THSD7A: variants seen among roughly 807,000 people sequenced by gnomAD.
THSD7A encodes the protein thrombospondin type-1 domain-containing protein 7A.
THSD7A carries 96 observed loss-of-function variants against 231.3 expected under a neutral mutation model. The observed-to-expected ratio is 0.41, with a 90% CI of 0.35 to 0.49. The LOEUF (loss-of-function observed/expected upper bound fraction) is 0.49. Ranked by LOEUF, THSD7A falls within the 20% of genes least tolerant of loss-of-function variation. The probability of loss-of-function intolerance (pLI) is 0.05; values close to 1 mark genes in which losing one functional copy is unlikely to be tolerated. For missense variants in THSD7A, 2,290 were observed against 2,070.2 expected (o/e 1.11, Z -2.06); for synonymous variants, 940 against 743.3 (o/e 1.26, Z -4.30).
At chr7:11,652,438 A>G (rs1782539864) in intron 1 of THSD7A, among the ~76,000 whole-genome samples, 1 of 152,064 alleles carries the variant, frequency 6.6e-6, no homozygotes, top group Non-Finnish European at 1.5e-5. Context: ...ATGCAATGGC[A>G]TTAATTATGC....
intron 8 of THSD7A, among the ~76,000 whole-genome samples, chr7:11,473,257 C>A (rs1786009184): frequency 6.6e-6 from 1 of 151,950 alleles, no homozygotes; most frequent in African/African-American, 2.4e-5. Flanking sequence ...GCATCAGAGA[C>A]ATTATTTTCA....
intron 19 of THSD7A, among the ~76,000 whole-genome samples, chr7:11,408,884 C>G (rs1256580559): frequency 1.3e-5 from 2 of 152,106 alleles, no homozygotes; most frequent in African/African-American, 2.4e-5. Flanking sequence ...ACTTAAAAGT[C>G]ATGGGAGGTT....
chr7:11,603,460 G>A (rs1169710954), intron 2 of THSD7A, among the ~76,000 whole-genome samples: 2 of 152,100 alleles, frequency 1.3e-5, no homozygotes, highest in Non-Finnish European at 2.9e-5. Context: ...CATTGTGGAA[G>A]TCAGTGTGGC....
chr7:11,691,609 A>T (rs1459586337), intron 1 of THSD7A, among the ~76,000 whole-genome samples: 1 of 151,418 alleles, frequency 6.6e-6, no homozygotes, highest in Non-Finnish European at 1.5e-5. Flanking sequence ...AATCCATAAC[A>T]TCTATATCTA....
intron 1 of THSD7A, among the ~76,000 whole-genome samples, chr7:11,805,138 T>C (rs1035284622): frequency 6.6e-6 from 1 of 152,108 alleles, no homozygotes; most frequent in Non-Finnish European, 1.5e-5. Context: ...CAGCTTTTGG[T>C]CCATACATCC....
chr7:11,630,534 T>G (rs770767521), intron 2 of THSD7A, among the ~76,000 whole-genome samples: 1 of 152,206 alleles, frequency 6.6e-6, no homozygotes, highest in Non-Finnish European at 1.5e-5. Flanking sequence ...GCCTGAAGTA[T>G]CTGCTTTATG....
chr7:11,469,805 T>C, intron 9 of THSD7A, 74 bp downstream of exon 9: 2 of 995,184 alleles, frequency 2.0e-6, no homozygotes, highest in Non-Finnish European at 3.1e-6. Context: ...CAAACATTGC[T>C]AGGCCAGAAG....
intron 1 of THSD7A, among the ~76,000 whole-genome samples, chr7:11,677,292 G>A: frequency 6.6e-6 from 1 of 151,792 alleles, no homozygotes; most frequent in Admixed American, 6.6e-5. Context: ...AGGAAAAACT[G>A]GTACCAGCCA....
chr7:11,559,660 A>G (rs1328283844), intron 4 of THSD7A, among the ~76,000 whole-genome samples: 4 of 152,046 alleles, frequency 2.6e-5, no homozygotes, highest in African/African-American at 9.7e-5. Flanking sequence ...TAGAAGAAAG[A>G]GAATAAAAAA....
chr7:11,623,971 G>A (rs1480570275), intron 2 of THSD7A, among the ~76,000 whole-genome samples: 1 of 152,148 alleles, frequency 6.6e-6, no homozygotes, highest in Non-Finnish European at 1.5e-5. Context: ...AAATAGGGCA[G>A]GCAACTTCTT....
At position 11,512,779 on chromosome 7, in the gene THSD7A, G is replaced by T. The variant is rs1191705464; in HGVS notation, c.1822+28640C>A. Among the ~76,000 whole-genome samples, 19 of 116,788 alleles carry T rather than the reference G, an allele frequency of 1.6e-4. 1 individual carries two copies. The highest frequency in any genetic ancestry group is 6.4e-4 in the African/African-American group (19 of 29,500). The allele number at this position is 116,788 out of a possible 152,430, so 76.6% of individuals were successfully genotyped here. Reference sequence around the variant, plus strand: ...AACATCACACACCCAGGCCTGTCATGGGGCGGGGGGAGGGGGGAGGGATAG... The same window carrying T: ...AACATCACACACCCAGGCCTGTCATTGGGCGGGGGGAGGGGGGAGGGATAG... On this transcript the variant is annotated intron_variant, in intron 6 of 27. Transcript: ENST00000423059.
rs1292146763 is a variant in THSD7A at position 11,634,415 on chromosome 7, G to T, written c.1022+1715C>A. On this transcript the variant is annotated intron_variant, in intron 2 of 27. Transcript: ENST00000423059. This position sits in a 1 kb window ranked among gnomAD's most constrained non-coding sequence, Gnocchi z 4.1. ...TCTACAGCATGCTAACCCAGTGATA[G>T]CAGGAAACAACTCAACTTGTCTTGG... 6.6e-6 allele frequency among the ~76,000 whole-genome samples: 1 copy of T among 152,120 alleles called. No individual in the cohort carries two copies. Among genetic ancestry groups the T allele is most frequent in the Non-Finnish European group, 1.5e-5 (1 of 68,010 alleles).
At chr7:11,818,182 A>G (rs903298899) in intron 1 of THSD7A, among the ~76,000 whole-genome samples, 5 of 152,206 alleles carry the variant, frequency 3.3e-5, no homozygotes, top group African/African-American at 9.7e-5. Context: ...ATGTCCTGTT[A>G]TTTGCTAGCG....
chr7:11,831,218 T>C lies in THSD7A; in HGVS notation c.190+539A>G, dbSNP rs1199318526. ...AATCCTCCGACTCGCTAGTTAATAA[T>C]TGAGTTTTCAGTCTTTCCCTGAAGG... On this transcript the variant is annotated intron_variant, in intron 1 of 27. Transcript: ENST00000423059. The surrounding 1 kb of genome is among the most constrained non-coding windows in gnomAD (Gnocchi z 5.0). Among the ~76,000 whole-genome samples the C allele has an allele frequency of 6.6e-6, 1 of 152,228 alleles. No individual in the cohort carries two copies. The highest frequency in any genetic ancestry group is 1.5e-5 in the Non-Finnish European group (1 of 68,044).
At position 11,636,649 on chromosome 7, in the gene THSD7A, G is replaced by C. The variant is rs1215816924; in HGVS notation, c.503C>G (p.Pro168Arg). The C allele has an allele frequency of 6.2e-7, 1 of 1,613,972 alleles. No homozygotes were observed. The highest frequency in any genetic ancestry group is 1.1e-5 in the South Asian group (1 of 91,076). ...GTACTCACAGATGATATCCTCCGCA[G>C]GAATGTCTTTGTCTTTCTGGATGCA... ...IACIQKDKDI[P>R]AEDIICEYFE... Residue 168 changes from proline (P) to arginine (R), a missense_variant, in exon 2 of 28, where the codon CCT becomes CGT. Transcript: ENST00000423059. The surrounding 1 kb of genome is among the most constrained non-coding windows in gnomAD (Gnocchi z 10.0).
intron 1 of THSD7A, among the ~76,000 whole-genome samples, chr7:11,658,674 C>T (rs1056457867): frequency 2.0e-5 from 3 of 151,648 alleles, no homozygotes; most frequent in Non-Finnish European, 4.4e-5. Flanking sequence ...GAATATTTAA[C>T]TGTAGATAAG....
intron 23 of THSD7A, among the ~76,000 whole-genome samples, chr7:11,399,340 C>G (rs1783310854): frequency 6.6e-6 from 1 of 151,994 alleles, no homozygotes; most frequent in South Asian, 2.1e-4. Context: ...TTCTATTTTT[C>G]TAAACTTTAT....
At chr7:11,806,980 A>ATC (rs1487267868) in intron 1 of THSD7A, among the ~76,000 whole-genome samples, 1 of 151,584 alleles carries the variant, frequency 6.6e-6, no homozygotes, top group Admixed American at 6.6e-5. Flanking sequence ...ACTGAAATCA[A>ATC]TCTCTCTCTC....
In THSD7A at chr7:11,829,880, T is replaced by C. The variant is rs147382498; in HGVS notation, c.190+1877A>G. 1.6e-3 allele frequency among the ~76,000 whole-genome samples: 245 copies of C among 152,042 alleles called. 2 individuals are homozygous for C. Among genetic ancestry groups the C allele is most frequent in the African/African-American group, 5.7e-3 (235 of 41,500 alleles). The stretch of plus-strand genomic sequence containing the variant: ...TTTTTTTTTTTTACCAAACCAAGGA[T>C]CACCAGTCAAGAAATATCTTTAACA... On this transcript the variant is annotated intron_variant, in intron 1 of 27. Coordinates refer to ENST00000423059, the MANE Select transcript of THSD7A (RefSeq NM_015204.3).
Sources: allele counts gnomAD v4.1 joint callset (sites outside exome capture counted in the v4.1 genomes callset), GRCh38; gene constraint gnomAD v4.1.1; non-coding constraint Gnocchi (gnomAD v3.1); transcripts MANE v1.5; gene names NCBI Gene and HGNC (gene_info 2026-07-23, HGNC 2026-07-21).